NAV2: variants seen among roughly 807,000 people sequenced by gnomAD.
NAV2 encodes the protein neuron navigator 2, also known as helicase, APC down-regulated 1.
In NAV2, 54 loss-of-function variants were observed where a neutral mutation model predicts 223.2. The ratio of observed to expected loss-of-function variants is 0.24; its 90% CI spans 0.19 to 0.30. NAV2 has a LOEUF of 0.30. Among genes scored for constraint, NAV2 ranks in the 10% least tolerant of loss-of-function variants. The pLI, the probability that NAV2 is intolerant of heterozygous loss-of-function variation, is 1.00. For missense variants in NAV2, 2,806 were observed against 3,147.5 expected, an observed-to-expected ratio of 0.89 and a Z score of 2.60; for synonymous variants, 1,279 against 1,239.3, an observed-to-expected ratio of 1.03 and a Z score of -0.67.
intron 1 of NAV2, among the ~76,000 whole-genome samples, chr11:19,618,405 G>A (rs71453074): frequency 0.88 from 120,820 of 137,392 alleles, 52,743 homozygotes; most frequent in Non-Finnish European, 0.95. Context: ...TGAATAGATG[G>A]ATGGATGGAT....
chr11:19,560,074 T>C (rs79504369), intron 1 of NAV2, among the ~76,000 whole-genome samples: 1,917 of 152,192 alleles, frequency 0.013, 38 homozygotes, highest in African/African-American at 0.043. Flanking sequence ...CATTTGGTGG[T>C]TTTCCAAGTT....
chr11:19,687,766 T>G (rs1590090783), intron 1 of NAV2, among the ~76,000 whole-genome samples: 1 of 89,032 alleles, frequency 1.1e-5, no homozygotes, highest in Non-Finnish European at 2.4e-5. Context: ...TGTGTACATG[T>G]GCATGTGTGT....
intron 26 of NAV2, among the ~76,000 whole-genome samples, chr11:20,087,352 A>G (rs565166294): frequency 6.6e-6 from 1 of 152,080 alleles, no homozygotes; most frequent in Non-Finnish European, 1.5e-5. Flanking sequence ...CACACTGGAG[A>G]TGTTTGTTTT....
intron 1 of NAV2, among the ~76,000 whole-genome samples, chr11:19,550,048 A>G (rs1191420155): frequency 1.3e-5 from 2 of 152,176 alleles, no homozygotes; most frequent in African/African-American, 2.4e-5. Context: ...ACATATGTGG[A>G]GGTGGATGGG....
At chr11:19,777,810 A>G (rs1029068792) in intron 1 of NAV2, 1 of 452,310 alleles carries the variant, frequency 2.2e-6, no homozygotes. Context: ...GCTCTCTTGG[A>G]TTGCACACGC....
intron 10 of NAV2, among the ~76,000 whole-genome samples, chr11:19,961,905 T>G (rs1040591314): frequency 6.6e-6 from 1 of 151,948 alleles, no homozygotes; most frequent in African/African-American, 2.4e-5. Context: ...GGATCAGAGT[T>G]GGTCTGTGCA....
chr11:19,454,524 C>T (rs973630827), intron 1 of NAV2, among the ~76,000 whole-genome samples: 2 of 152,046 alleles, frequency 1.3e-5, no homozygotes, highest in Non-Finnish European at 2.9e-5. Context: ...CTGGAAGATC[C>T]CTGAGGACAG....
Position 19,972,514 on chromosome 11 carries a change from TTGA to T in NAV2, c.2646-11607_2646-11605del, listed in dbSNP as rs552197615. Among the ~76,000 whole-genome samples the T allele has an allele frequency of 1.4e-4, 21 of 152,318 alleles. No individual in the cohort carries two copies. In the East Asian group the frequency reaches 3.9e-3, roughly 28 times the overall value. The stretch of plus-strand genomic sequence containing the variant: ...ATAAGTGCCCAGAATAATCACTGTC[TTGA>T]TGAAAATATCACCTGGTAGAAACTT... On this transcript the variant is annotated intron_variant, in intron 10 of 37. Coordinates refer to ENST00000349880, the MANE Select transcript of NAV2 (RefSeq NM_145117.5).
intron 1 of NAV2, among the ~76,000 whole-genome samples, chr11:19,598,762 G>A (rs1050518716): frequency 3.7e-4 from 57 of 152,204 alleles, no homozygotes; most frequent in African/African-American, 1.4e-3. Context: ...CTTTTGACCA[G>A]TAGGTTATCC....
At chr11:19,617,030 T>C (rs898830045) in intron 1 of NAV2, among the ~76,000 whole-genome samples, 1 of 152,148 alleles carries the variant, frequency 6.6e-6, no homozygotes. Flanking sequence ...GGGGCCTAAA[T>C]GATAAAATCT....
chr11:19,924,309 A>C (rs1290946921), intron 6 of NAV2, among the ~76,000 whole-genome samples: 1 of 152,046 alleles, frequency 6.6e-6, no homozygotes, highest in Non-Finnish European at 1.5e-5. Flanking sequence ...AAAAAAAAAA[A>C]AACAAAAAAA....
chr11:19,549,154 T>A (rs1288434146), intron 1 of NAV2, among the ~76,000 whole-genome samples: 5 of 152,210 alleles, frequency 3.3e-5, no homozygotes, highest in Non-Finnish European at 7.3e-5. Context: ...GGAATGTGGC[T>A]GAGGTTCCAA....
chr11:19,727,557 G>A (rs909520778), intron 1 of NAV2, among the ~76,000 whole-genome samples: 1 of 152,230 alleles, frequency 6.6e-6, no homozygotes, highest in Non-Finnish European at 1.5e-5. Context: ...CAGGTGCTGT[G>A]CAAATCTAAT....
At chr11:19,558,096 G>A (rs763791634) in intron 1 of NAV2, among the ~76,000 whole-genome samples, 2 of 152,176 alleles carry the variant, frequency 1.3e-5, no homozygotes, top group African/African-American at 2.4e-5. Flanking sequence ...AAAACCTGCT[G>A]TTATTTATTA....
intron 1 of NAV2, among the ~76,000 whole-genome samples, chr11:19,592,243 T>C (rs905439314): frequency 2.6e-5 from 4 of 152,118 alleles, no homozygotes; most frequent in Admixed American, 6.5e-5. Context: ...TTCAGCCACC[T>C]TGGGCTTGTT....
At chr11:19,525,340 G>T (rs943791144) in intron 1 of NAV2, among the ~76,000 whole-genome samples, 2 of 152,210 alleles carry the variant, frequency 1.3e-5, no homozygotes, top group African/African-American at 4.8e-5. Flanking sequence ...CTCAGGCTTT[G>T]CTGTGTGCCA....
chr11:19,982,440 T>G (rs2050384896), intron 10 of NAV2, among the ~76,000 whole-genome samples: 1 of 152,156 alleles, frequency 6.6e-6, no homozygotes, highest in Non-Finnish European at 1.5e-5. Context: ...CGGCTAAAAA[T>G]TCACCATTTT....
intron 1 of NAV2, among the ~76,000 whole-genome samples, chr11:19,741,662 G>C (rs919209461): frequency 2.8e-5 from 4 of 144,790 alleles, no homozygotes; most frequent in African/African-American, 1.0e-4. Context: ...ATTTCATTGT[G>C]TATGTATGTA....
chr11:19,773,288 T>C (rs1184474907), intron 1 of NAV2, among the ~76,000 whole-genome samples: 2 of 151,998 alleles, frequency 1.3e-5, no homozygotes, highest in Non-Finnish European at 2.9e-5. Flanking sequence ...ACGGGAAAGG[T>C]CTGGAACAGA....
Sources: gnomAD v4.1 joint callset for allele counts (sites outside exome capture counted in the v4.1 genomes callset) on GRCh38, gnomAD v4.1.1 for gene constraint, MANE v1.5 for transcripts, NCBI Gene and HGNC (gene_info 2026-07-23, HGNC 2026-07-21) for gene names.